Variants in MTMR1 observed in about 807,000 individuals in gnomAD.
MTMR1 encodes the protein phosphatidylinositol-3-phosphate phosphatase MTMR1.
In MTMR1, 17 loss-of-function variants were observed where a neutral mutation model predicts 51.6. The observed-to-expected ratio is 0.33, with a 90% CI of 0.23 to 0.49. The LOEUF is 0.49. Ranked by LOEUF, MTMR1 falls within the 20% of genes least tolerant of loss-of-function variation. MTMR1 has a pLI of 0.99. For synonymous variants in MTMR1, 201 were observed against 205.6 expected (o/e 0.98, Z 0.19); for missense variants, 386 against 526.9 (o/e 0.73, Z 2.62).
At chrX:150,718,798 A>G in intron 4 of MTMR1, 98 bp downstream of exon 4, 1 of 828,384 alleles carries the variant, frequency 1.2e-6, no homozygotes, top group African/African-American at 2.1e-5. Context: ...GATCCGCCAG[A>G]CCAACTTAAT....
At chrX:150,729,668 T>C (rs1451952318) in intron 6 of MTMR1, among the ~76,000 whole-genome samples, 3 of 112,495 alleles carry the variant, frequency 2.7e-5, no homozygotes, top group Middle Eastern at 4.6e-3. Context: ...CGATTTCTAA[T>C]GTAACCCTCC....
At chrX:150,748,741 G>A (rs2042646034) in intron 13 of MTMR1, among the ~76,000 whole-genome samples, 1 of 110,677 alleles carries the variant, frequency 9.0e-6, no homozygotes, top group African/African-American at 3.3e-5. Flanking sequence ...AAGTGGGAGG[G>A]ATCACTTGAG....
chrX:150,756,568 G>A (rs2042909202), intron 15 of MTMR1, among the ~76,000 whole-genome samples: 1 of 112,166 alleles, frequency 8.9e-6, no homozygotes, highest in African/African-American at 3.2e-5. Context: ...CCAGGGCATG[G>A]TTGGTTCTGG....
chrX:150,706,995 G>A (rs1168203284), intron 2 of MTMR1, among the ~76,000 whole-genome samples: 1 of 108,595 alleles, frequency 9.2e-6, no homozygotes, highest in African/African-American at 3.4e-5. Flanking sequence ...CAATTTAATG[G>A]TTGAAAGATA....
chrX:150,697,248 G>A, intron 1 of MTMR1, among the ~76,000 whole-genome samples: 1 of 112,150 alleles, frequency 8.9e-6, no homozygotes, highest in Middle Eastern at 4.6e-3. Flanking sequence ...GCATGTGATA[G>A]GAATTTCTGC....
At chrX:150,712,443 G>A in intron 3 of MTMR1, 78 bp downstream of exon 3, 1 of 962,727 alleles carries the variant, frequency 1.0e-6, no homozygotes, top group Non-Finnish European at 1.4e-6. Context: ...AGTCTATTTA[G>A]TGTTCTTTAC....
intron 3 of MTMR1, among the ~76,000 whole-genome samples, chrX:150,713,222 A>G (rs2041372516): frequency 8.9e-6 from 1 of 111,847 alleles, no homozygotes; most frequent in African/African-American, 3.2e-5. Flanking sequence ...GTTAAATATT[A>G]GTGCTTGGCT....
At position 150,752,289 on chromosome X, in the gene MTMR1, C is replaced by T. The variant is rs150169101; in HGVS notation, c.1680+1446C>T. ...ACTGTCTCACACTCCTACTGTCTCA[C>T]ATCTGGACTAAGGCAGAAACCCAGG... On this transcript the variant is annotated intron_variant, in intron 14 of 15. Coordinates refer to ENST00000445323, the MANE Select transcript of MTMR1 (RefSeq NM_001306144.3). Among the ~76,000 whole-genome samples the T allele has an allele frequency of 7.4e-3, 828 of 111,650 alleles. 6 individuals carry two copies. Among genetic ancestry groups the T allele is most frequent in the African/African-American group, 0.026 (801 of 30,681 alleles).
chrX:150,711,286 C>A (rs1220830105), intron 2 of MTMR1, among the ~76,000 whole-genome samples: 4 of 111,980 alleles, frequency 3.6e-5, no homozygotes, highest in Non-Finnish European at 7.5e-5. Flanking sequence ...ATTCAGATAC[C>A]TTTTAATGAC....
chrX:150,756,553 G>A (rs1422412056), intron 15 of MTMR1, among the ~76,000 whole-genome samples: 7 of 111,974 alleles, frequency 6.3e-5, no homozygotes, highest in African/African-American at 9.8e-5. Context: ...TCTCCACATG[G>A]GTGGCCAGGG....
chrX:150,733,256 T>C (rs1393845695), intron 10 of MTMR1, among the ~76,000 whole-genome samples: 1 of 111,808 alleles, frequency 8.9e-6, no homozygotes, highest in Admixed American at 9.5e-5. Context: ...TCTCTCGCTC[T>C]TCAGCCTGGC....
upstream of MTMR1, chrX:150,693,367 G>A: frequency 1.5e-6 from 1 of 672,981 alleles, no homozygotes; most frequent in Non-Finnish European, 1.8e-6. Context: ...CGCGCGCGCG[G>A]CCTTGTGGGT....
intron 12 of MTMR1, among the ~76,000 whole-genome samples, chrX:150,739,400 G>T (rs1394981925): frequency 8.9e-6 from 1 of 112,705 alleles, no homozygotes; most frequent in African/African-American, 3.2e-5. Flanking sequence ...GCAAAGGCTG[G>T]TCTCGGTAAG....
In MTMR1 at chrX:150,712,764, T is replaced by G. The variant is rs147139873; in HGVS notation, c.276+399T>G. On this transcript the variant is annotated intron_variant, in intron 3 of 15. Coordinates refer to ENST00000445323, the MANE Select transcript of MTMR1 (RefSeq NM_001306144.3). ...ACTAAAAAAAAAAAGGTTAGTTGGC[T>G]GTCCTATCTAAGTAAGATTTCAAGT... is the stretch of plus-strand genomic sequence containing the variant. The G allele has an allele frequency of 1.3e-4, 25 of 194,539 alleles. 1 individual carries two copies. The East Asian group carries it at 3.9e-3, about 31-fold the overall frequency. The allele number at this position is 194,539 out of a possible 1,213,427, so 16.0% of individuals were successfully genotyped here. A position where few individuals can be genotyped will look rare whatever the true frequency, so the allele number is the denominator to read the frequency against.
chrX:150,741,828 C>T (rs189939284), intron 12 of MTMR1, among the ~76,000 whole-genome samples: 1 of 112,518 alleles, frequency 8.9e-6, no homozygotes, highest in South Asian at 3.7e-4. Context: ...AAATACTGAA[C>T]AGCAGGTCCT....
chrX:150,710,398 C>T (rs1353929471), intron 2 of MTMR1, among the ~76,000 whole-genome samples: 2 of 111,466 alleles, frequency 1.8e-5, no homozygotes, highest in East Asian at 2.8e-4. Context: ...GAGTCTGGCT[C>T]TCACCCAGGC....
chrX:150,717,357 C>CAA (rs35558897), intron 3 of MTMR1, among the ~76,000 whole-genome samples: 7 of 42,735 alleles, frequency 1.6e-4, no homozygotes, highest in African/African-American at 3.8e-4. Context: ...GACTCCATCT[C>CAA]AAAAAAAAAA....
chrX:150,748,264 A>G (rs1442933680), intron 13 of MTMR1, among the ~76,000 whole-genome samples: 2 of 112,087 alleles, frequency 1.8e-5, no homozygotes, highest in African/African-American at 6.5e-5. Flanking sequence ...TAGCACTTAT[A>G]TGGCTTGAAA....
At position 150,736,726 on chromosome X, in the gene MTMR1, T is replaced by G; in HGVS notation, c.1212T>G (p.Asp404Glu). Residue 404 changes from aspartate (D) to glutamate (E), a missense_variant, in exon 11 of 16, where the codon GAT becomes GAG. Transcript: ENST00000445323. ...KLKEIVYPSI[D>E]EARWLSNVDG... is the part of the protein sequence containing the mutation. ...AAGAGATTGTGTACCCTTCGATCGATGAGGCGCGGTGGCTCTCCAATGTGG... is the reference window on the plus strand; with the variant it reads ...AAGAGATTGTGTACCCTTCGATCGAGGAGGCGCGGTGGCTCTCCAATGTGG... The G allele has an allele frequency of 8.3e-6, 10 of 1,209,670 alleles. No individual in the cohort carries two copies. Among genetic ancestry groups the G allele is most frequent in the Non-Finnish European group, 1.1e-5 (10 of 894,950 alleles).
Sources: allele counts gnomAD v4.1 joint callset (sites outside exome capture counted in the v4.1 genomes callset), GRCh38; gene constraint gnomAD v4.1.1; transcripts MANE v1.5; gene names NCBI Gene and HGNC (gene_info 2026-07-23, HGNC 2026-07-21).